Variants in ALK observed in about 807,000 individuals in gnomAD.
ALK encodes ALK receptor tyrosine kinase, also known as ALK tyrosine kinase receptor.
Under a neutral mutation model 163.1 loss-of-function variants are expected in ALK, and 74 were observed. The ratio of observed to expected loss-of-function variants is 0.45; its 90% CI spans 0.38 to 0.55. The LOEUF is 0.55. Among genes scored for constraint, ALK ranks in the 20% least tolerant of loss-of-function variants. The pLI, the probability that ALK is intolerant of heterozygous loss-of-function variation, is 0.00. For synonymous variants in ALK, 960 were observed against 843.2 expected (o/e 1.14, Z -2.40); for missense variants, 2,063 against 2,105.3 (o/e 0.98, Z 0.39).
intron 4 of ALK, among the ~76,000 whole-genome samples, chr2:29,505,861 A>T (rs1254604213): frequency 6.6e-6 from 1 of 151,756 alleles, no homozygotes. Flanking sequence ...ACATCCATTC[A>T]TGGGGTGAAT....
intron 4 of ALK, among the ~76,000 whole-genome samples, chr2:29,493,938 A>C (rs1671963176): frequency 6.6e-6 from 1 of 152,220 alleles, no homozygotes; most frequent in South Asian, 2.1e-4. Context: ...TTCCATGTCT[A>C]ATTCTGACAG....
chr2:29,208,144 C>T (rs926630592), intron 25 of ALK: 2 of 428,640 alleles, frequency 4.7e-6, no homozygotes, highest in African/African-American at 4.0e-5. Flanking sequence ...ATAGAAAACA[C>T]AGTAATGCAG....
At chr2:29,576,816 C>T (rs1300301738) in intron 3 of ALK, among the ~76,000 whole-genome samples, 1 of 151,896 alleles carries the variant, frequency 6.6e-6, no homozygotes, top group African/African-American at 2.4e-5. Flanking sequence ...AGGTTGCATG[C>T]TCCTTATGAG....
chr2:29,407,096 C>T (rs1372957061), intron 4 of ALK, among the ~76,000 whole-genome samples: 3 of 152,170 alleles, frequency 2.0e-5, no homozygotes, highest in South Asian at 4.2e-4. Flanking sequence ...GTGGTTCATC[C>T]TCAGTCCTGG....
chr2:29,856,547 A>G (rs1291163587), intron 1 of ALK, among the ~76,000 whole-genome samples: 1 of 152,248 alleles, frequency 6.6e-6, no homozygotes, highest in Non-Finnish European at 1.5e-5. Context: ...TTGTGCAGTT[A>G]GGAGGTGCAG....
intron 3 of ALK, among the ~76,000 whole-genome samples, chr2:29,648,857 C>T (rs759190586): frequency 2.0e-5 from 3 of 152,102 alleles, no homozygotes; most frequent in African/African-American, 4.8e-5. Flanking sequence ...ACAACAAGCA[C>T]ATATTTTGAG....
chr2:29,315,662 T>C (rs1426004200), intron 8 of ALK, among the ~76,000 whole-genome samples: 1 of 152,184 alleles, frequency 6.6e-6, no homozygotes, highest in Admixed American at 6.5e-5. Context: ...GTGGGGCATT[T>C]GTTACATTTT....
intron 1 of ALK, among the ~76,000 whole-genome samples, chr2:29,830,424 G>A (rs1278853815): frequency 1.3e-5 from 2 of 152,088 alleles, no homozygotes; most frequent in South Asian, 2.1e-4. Context: ...AGACCCTACT[G>A]AGAAAGTAGA....
At chr2:29,795,769 G>A (rs934399490) in intron 1 of ALK, among the ~76,000 whole-genome samples, 1 of 152,042 alleles carries the variant, frequency 6.6e-6, no homozygotes, top group African/African-American at 2.4e-5. Flanking sequence ...ATACTAAATT[G>A]TTAACAGTAG....
chr2:29,193,725 C>T lies in ALK; in HGVS notation c.4362G>A (p.Lys1454=), dbSNP rs1040411489. The change falls in exon 29 of 29, where the codon AAG becomes AAA. Residue 1454 remains lysine, a synonymous_variant. Coordinates refer to ENST00000389048, the MANE Select transcript of ALK (RefSeq NM_004304.5). ...LPTTSSGKAA[K]KPTAAEISVR... is the part of the protein sequence containing the mutation. ...CAGAGATCTCTGCAGCTGTGGGTTT[C>T]TTTGCAGCCTTGCCAGAGGAGGTGG... 1 of 1,606,000 alleles carries T rather than the reference C, an allele frequency of 6.2e-7. No homozygotes were observed. The highest frequency in any genetic ancestry group is 1.7e-5 in the Admixed American group (1 of 59,374).
chr2:29,558,573 C>G (rs1475634111), intron 3 of ALK, among the ~76,000 whole-genome samples: 1 of 152,086 alleles, frequency 6.6e-6, no homozygotes, highest in East Asian at 1.9e-4. Flanking sequence ...CCTTCTTCCC[C>G]TGCTCTACCT....
At chr2:29,827,441 A>G (rs1403199714) in intron 1 of ALK, among the ~76,000 whole-genome samples, 1 of 152,188 alleles carries the variant, frequency 6.6e-6, no homozygotes, top group Non-Finnish European at 1.5e-5. Context: ...TCTGCTTCTG[A>G]GCTTCTACCA....
chr2:29,427,943 T>C (rs1039344347), intron 4 of ALK, among the ~76,000 whole-genome samples: 3 of 152,076 alleles, frequency 2.0e-5, no homozygotes, highest in African/African-American at 4.8e-5. Flanking sequence ...CTGACCATAA[T>C]AGAATAAAAT....
chr2:29,496,326 C>A (rs1672022377), intron 4 of ALK, among the ~76,000 whole-genome samples: 1 of 152,208 alleles, frequency 6.6e-6, no homozygotes, highest in South Asian at 2.1e-4. Flanking sequence ...AACTCACTCA[C>A]TTTTTCATCA....
chr2:29,698,199 C>T (rs966346855), intron 2 of ALK, among the ~76,000 whole-genome samples: 5 of 152,172 alleles, frequency 3.3e-5, no homozygotes, highest in Non-Finnish European at 5.9e-5. Flanking sequence ...GTCCAGGAAC[C>T]ACAGGCTGCC....
At chr2:29,472,819 A>G (rs1671379762) in intron 4 of ALK, among the ~76,000 whole-genome samples, 1 of 152,044 alleles carries the variant, frequency 6.6e-6, no homozygotes. Flanking sequence ...TATTGGCAAG[A>G]ATACAAAGAA....
Position 29,207,260 on chromosome 2 carries a change from A to G in ALK, c.3849T>C (p.Tyr1283=), listed in dbSNP as rs960416635. The change falls in exon 26 of 29, where the codon TAT becomes TAC. Residue 1283 remains tyrosine (Y), a synonymous_variant. Transcript: ENST00000389048. Reference sequence around the variant, plus strand: ...GCAGCATGGCACAGCCTCCCTTTCTATAGTAGCTCGCCCTGTGGGGAAGGA... The same window carrying G: ...GCAGCATGGCACAGCCTCCCTTTCTGTAGTAGCTCGCCCTGTGGGGAAGGA... ...MARDIYRASY[Y]RKGGCAMLPV... The G allele has an allele frequency of 2.5e-5, 40 of 1,613,930 alleles. No individual in the cohort carries two copies. Among genetic ancestry groups the G allele is most frequent in the Non-Finnish European group, 3.1e-5 (36 of 1,179,936 alleles).
chr2:29,650,765 T>C (rs1015872617), intron 3 of ALK, among the ~76,000 whole-genome samples: 5 of 152,088 alleles, frequency 3.3e-5, no homozygotes, highest in Admixed American at 1.3e-4. Flanking sequence ...CTTTGGGTGA[T>C]GATTCAACCA....
At chr2:29,371,453 G>C (rs1250693308) in intron 5 of ALK, among the ~76,000 whole-genome samples, 1 of 152,170 alleles carries the variant, frequency 6.6e-6, no homozygotes, top group African/African-American at 2.4e-5. Flanking sequence ...TCTGTCCAGG[G>C]GTCTGGGTAG....
Sources: allele counts gnomAD v4.1 joint callset (sites outside exome capture counted in the v4.1 genomes callset), GRCh38; gene constraint gnomAD v4.1.1; transcripts MANE v1.5; gene names NCBI Gene and HGNC (gene_info 2026-07-23, HGNC 2026-07-21).